Variants in SHANK1 observed in about 807,000 individuals in gnomAD.
SHANK1 encodes the protein SH3 and multiple ankyrin repeat domains protein 1.
A neutral mutation model predicts 165.6 loss-of-function variants in SHANK1; 35 were observed. The ratio of observed to expected loss-of-function variants is 0.21; its 90% CI spans 0.16 to 0.28. SHANK1 has a LOEUF of 0.28. Among genes scored for constraint, SHANK1 ranks in the 10% least tolerant of loss-of-function variants. The probability of loss-of-function intolerance (pLI) is 1.00; values close to 1 mark genes in which losing one functional copy is unlikely to be tolerated. For synonymous variants in SHANK1, 1,428 were observed against 1,384.8 expected (o/e 1.03, Z -0.69); for missense variants, 2,681 against 3,036.4 (o/e 0.88, Z 2.75).
At position 50,685,139 on chromosome 19, in the gene SHANK1, C is replaced by T. The variant is rs547690151; in HGVS notation, c.2577+1098G>A. On this transcript the variant is annotated intron_variant, in intron 21 of 23. Transcript: ENST00000293441. Reference sequence around the variant, plus strand: ...GCGGGAAGGGAGGAGCAAGGCAGAGCGTGGCCTCTGGAGGAGACAGTTGGA... The same window carrying T: ...GCGGGAAGGGAGGAGCAAGGCAGAGTGTGGCCTCTGGAGGAGACAGTTGGA... 4.6e-5 allele frequency among the ~76,000 whole-genome samples: 7 copies of T among 152,208 alleles called. No individual in the cohort carries two copies. The East Asian group carries it at 7.7e-4, about 17-fold the overall frequency.
At chr19:50,673,836 A>G (rs1985887353) in intron 21 of SHANK1, among the ~76,000 whole-genome samples, 1 of 149,196 alleles carries the variant, frequency 6.7e-6, no homozygotes, top group Admixed American at 6.8e-5. Context: ...TTTTTGAGAC[A>G]GGGCTGGAGT....
At chr19:50,684,886 T>C (rs901354791) in intron 21 of SHANK1, among the ~76,000 whole-genome samples, 2 of 152,220 alleles carry the variant, frequency 1.3e-5, no homozygotes, top group Non-Finnish European at 2.9e-5. Flanking sequence ...ATATCACAAA[T>C]TTTGCTTTTG....
chr19:50,689,598 G>A (rs988048935), intron 15 of SHANK1, among the ~76,000 whole-genome samples: 5 of 152,136 alleles, frequency 3.3e-5, no homozygotes, highest in African/African-American at 1.2e-4. Context: ...AGACAGCCAG[G>A]CTTGGGTCCC....
intron 4 of SHANK1, 48 bp from the exon 5 acceptor site, chr19:50,714,338 C>G: frequency 6.5e-7 from 1 of 1,541,260 alleles, no homozygotes; most frequent in Non-Finnish European, 8.9e-7. Flanking sequence ...AGGAGCAAGG[C>G]AGAGAAGCAG....
Position 50,659,780 on chromosome 19 carries a change from C to T in SHANK1, c.*2185G>A, listed in dbSNP as rs1474956266. On this transcript the variant is annotated 3_prime_UTR_variant, in exon 24 of 24. Transcript: ENST00000293441. ...CCACCCCGACCTCTCCTCCCCCCCC[C>T]ACCCCCTACACCCTCCCCAACCCCG... Among the ~76,000 whole-genome samples the T allele has an allele frequency of 7.0e-6, 1 of 143,550 alleles. No individual in the cohort carries two copies. The highest frequency in any genetic ancestry group is 1.5e-5 in the Non-Finnish European group (1 of 65,092). The allele number at this position is 143,550 out of a possible 152,430, so 94.2% of individuals were successfully genotyped here.
At position 50,686,367 on chromosome 19, in the gene SHANK1, T is replaced by G; in HGVS notation, c.2459-12A>C. On this transcript the variant is annotated splice_polypyrimidine_tract_variant and intron_variant, in intron 20 of 23. Coordinates refer to ENST00000293441, the MANE Select transcript of SHANK1 (RefSeq NM_016148.5). The surrounding 1 kb of genome is among the most constrained non-coding windows in gnomAD (Gnocchi z 5.7). ...TTCGTCCAGTTTGTCTAGGGGTAGA[T>G]GAATGAACAGAGGTGGGAAGACAAT... 1 of 1,546,710 alleles carries G rather than the reference T, an allele frequency of 6.5e-7. No homozygotes were observed. The highest frequency in any genetic ancestry group is 1.2e-5 in the South Asian group (1 of 85,660).
chr19:50,704,395 C>A, intron 9 of SHANK1, 42 bp downstream of exon 9: 1 of 1,586,066 alleles, frequency 6.3e-7, no homozygotes, highest in Non-Finnish European at 8.7e-7. Context: ...TCACCCTTTC[C>A]TTAGCCCTGG....
intron 8 of SHANK1, among the ~76,000 whole-genome samples, chr19:50,708,457 C>A (rs1334351382): frequency 6.6e-6 from 1 of 152,184 alleles, no homozygotes; most frequent in Non-Finnish European, 1.5e-5. Flanking sequence ...GCTTACACGT[C>A]TGCCTCCTCA....
At chr19:50,692,472 T>TATATATATATATATATATATATAC (rs1037995388) in intron 15 of SHANK1, among the ~76,000 whole-genome samples, 2 of 145,330 alleles carry the variant, frequency 1.4e-5, no homozygotes, top group African/African-American at 5.2e-5. Context: ...TATATATATA[T>TATATATATATATATATATATATAC]ACACACACAC....
At position 50,716,409 on chromosome 19, in the gene SHANK1, C is replaced by G; in HGVS notation, c.325G>C (p.Glu109Gln). The change falls in exon 3 of 24, where the codon GAG (glutamate) becomes CAG (glutamine). Residue 109 changes from glutamate (E) to glutamine (Q), a missense_variant. Physicochemically the swap from Glu to Gln is conservative, Grantham distance 29 (BLOSUM62 2). Around this residue, in one of 10 missense-constraint regions of SHANK1, gnomAD observed 189 missense variants for 440.9 expected, o/e 0.43. Coordinates refer to ENST00000293441, the MANE Select transcript of SHANK1 (RefSeq NM_016148.5). This position sits in a 1 kb window ranked among gnomAD's most constrained non-coding sequence, Gnocchi z 8.4. Reference protein sequence around the residue: ...AKQQVLCALSESLQDVLNYGL... With the variant: ...AKQQVLCALSQSLQDVLNYGL... The stretch of plus-strand genomic sequence containing the variant: ...TAGTTGAGCACATCCTGCAGGCTCT[C>G]GCTCAGGGCACAGAGCACCTGCTGC... 6.2e-7 allele frequency: 1 copy of G among 1,614,210 alleles called. No homozygotes were observed. The highest frequency in any genetic ancestry group is 8.5e-7 in the Non-Finnish European group (1 of 1,180,038).
intron 8 of SHANK1, among the ~76,000 whole-genome samples, chr19:50,709,983 C>T (rs935782023): frequency 2.0e-5 from 3 of 152,160 alleles, no homozygotes; most frequent in Admixed American, 1.3e-4. Flanking sequence ...GGGATGAGCA[C>T]TTAGTATACA....
At position 50,704,121 on chromosome 19, in the gene SHANK1, C is replaced by T. The variant is rs1350926566; in HGVS notation, c.1221G>A (p.Val407=). Reference sequence around the variant, plus strand: ...CAGTCCGAGCTCCCTGTCACTCACCCACATCCTGTTCTCGGTGGTTTCGGA... The same window carrying T: ...CAGTCCGAGCTCCCTGTCACTCACCTACATCCTGTTCTCGGTGGTTTCGGA... ...ELIRNHREQD[V]VPFQESPKYA... The change falls in exon 10 of 24, where the codon GTG becomes GTA. Residue 407 remains valine, a splice_region_variant and synonymous_variant. Coordinates refer to ENST00000293441, the MANE Select transcript of SHANK1 (RefSeq NM_016148.5). 1.2e-6 allele frequency: 2 copies of T among 1,613,814 alleles called. No individual in the cohort carries two copies. The highest frequency in any genetic ancestry group is 1.3e-5 in the African/African-American group (1 of 74,864).
intron 15 of SHANK1, among the ~76,000 whole-genome samples, chr19:50,692,943 T>C (rs1297652487): frequency 6.9e-6 from 1 of 143,998 alleles, no homozygotes; most frequent in Non-Finnish European, 1.5e-5. Context: ...CTCCTCACCC[T>C]TGTCCTGCGA....
In SHANK1 at chr19:50,711,850, G is replaced by GTGAGGAC. The variant is rs2089014303; in HGVS notation, c.960+90_960+96dup. On this transcript the variant is annotated intron_variant, in intron 7 of 23. Transcript: ENST00000293441. ...CATGTTATTCTCACCCCCATGCTCT[G>GTGAGGAC]TGAGGACCCTGGCATCTGGTTCCCA... is the stretch of plus-strand genomic sequence containing the variant. 13 of 1,370,500 alleles carry GTGAGGAC rather than the reference G, an allele frequency of 9.5e-6. No individual in the cohort carries two copies. The East Asian group carries it at 3.0e-4, about 31-fold the overall frequency. 84.9% of individuals were successfully genotyped at this position (1,370,500 alleles called of 1,614,324 possible).
intron 16 of SHANK1, 92 bp downstream of exon 16, chr19:50,689,105 C>A: frequency 8.3e-7 from 1 of 1,197,842 alleles, no homozygotes; most frequent in Admixed American, 1.8e-5. Flanking sequence ...GGTGGGCGGG[C>A]TGGGGTCCCT....
chr19:50,666,101 G>T, intron 23 of SHANK1, 91 bp downstream of exon 23: 1 of 1,290,006 alleles, frequency 7.8e-7, no homozygotes, highest in Non-Finnish European at 1.0e-6. Flanking sequence ...CCTGGTTTCT[G>T]TTTCCTTTCT....
At chr19:50,703,254 T>C (rs1568441676) in intron 11 of SHANK1, among the ~76,000 whole-genome samples, 1 of 151,626 alleles carries the variant, frequency 6.6e-6, no homozygotes, top group Non-Finnish European at 1.5e-5. Flanking sequence ...CTGGGGCCCA[T>C]GTTTCTTTGG....
In SHANK1 at chr19:50,659,735, A is replaced by G. The variant is rs1599831983; in HGVS notation, c.*2230T>C. Among the ~76,000 whole-genome samples the G allele has an allele frequency of 7.6e-6, 1 of 132,136 alleles. No homozygotes were observed. 86.7% of individuals were successfully genotyped at this position (132,136 alleles called of 152,430 possible). A position where few individuals can be genotyped will look rare whatever the true frequency, so the allele number is the denominator to read the frequency against. On this transcript the variant is annotated 3_prime_UTR_variant, in exon 24 of 24. Transcript: ENST00000293441. The stretch of plus-strand genomic sequence containing the variant: ...CCTCTCCACCCCGCGCTGTCCCCGC[A>G]TTCGGTCCCTCCCCACTCCCCACCC...
Position 50,667,569 on chromosome 19 carries a change from G to C in SHANK1, c.4391C>G (p.Thr1464Arg), listed in dbSNP as rs765878355. Reference protein sequence around the residue: ...GVGPLLLQLGTEPPAPHPGVS... With the variant: ...GVGPLLLQLGREPPAPHPGVS... ...TCCGGGGTGCGGGGCCGGGGGCTCCGTCCCCAGCTGCAGCAGGAGGGGCCC... is the reference window on the plus strand; with the variant it reads ...TCCGGGGTGCGGGGCCGGGGGCTCCCTCCCCAGCTGCAGCAGGAGGGGCCC... The change falls in exon 23 of 24, where the codon ACG becomes AGG. Residue 1464 changes from threonine to arginine, a missense_variant. This residue lies in a region of SHANK1 where 1,713 missense variants were observed against 1,630.2 expected (regional missense o/e 1.05). Coordinates refer to ENST00000293441, the MANE Select transcript of SHANK1 (RefSeq NM_016148.5). This position sits in a 1 kb window ranked among gnomAD's most constrained non-coding sequence, Gnocchi z 5.7. The C allele has an allele frequency of 3.5e-6, 5 of 1,448,486 alleles. No homozygotes were observed. Among genetic ancestry groups the C allele is most frequent in the Non-Finnish European group, 4.5e-6 (5 of 1,112,362 alleles). 89.7% of individuals were successfully genotyped at this position (1,448,486 alleles called of 1,614,324 possible). A position where few individuals can be genotyped will look rare whatever the true frequency, so the allele number is the denominator to read the frequency against.
Sources: allele counts gnomAD v4.1 joint callset (sites outside exome capture counted in the v4.1 genomes callset), GRCh38; gene constraint gnomAD v4.1.1; regional missense constraint gnomAD v4.1.1; non-coding constraint Gnocchi (gnomAD v3.1); transcripts MANE v1.5; gene names NCBI Gene and HGNC (gene_info 2026-07-23, HGNC 2026-07-21).